TMEM132D: variants seen among roughly 807,000 people sequenced by gnomAD.
TMEM132D encodes transmembrane protein 132D, also known as mature OL transmembrane protein.
A neutral mutation model predicts 62.3 loss-of-function variants in TMEM132D; 21 were observed. The ratio of observed to expected loss-of-function variants is 0.34; its 90% CI spans 0.24 to 0.49. The LOEUF is 0.49. Ranked by LOEUF, TMEM132D falls within the 20% of genes least tolerant of loss-of-function variation. TMEM132D has a pLI of 0.99. For synonymous variants in TMEM132D, 621 were observed against 575.6 expected (o/e 1.08, Z -1.13); for missense variants, 1,346 against 1,402.8 (o/e 0.96, Z 0.65).
rs540755752 is a variant in TMEM132D, at chr12:129,115,747, T to A, written c.1444-31045A>T. Among the ~76,000 whole-genome samples the A allele has an allele frequency of 3.9e-5, 6 of 152,074 alleles. No homozygotes were observed. The East Asian group carries it at 5.8e-4, about 15-fold the overall frequency. ...AGTGGAAGCCAGGGCCTGTAAAGCA[T>A]ACGTCACAAACTCCAGGCAGAGGTG... On this transcript the variant is annotated intron_variant, in intron 5 of 8. Transcript: ENST00000422113.
chr12:129,153,096 T>C (rs1009033990), intron 5 of TMEM132D, among the ~76,000 whole-genome samples: 2 of 152,140 alleles, frequency 1.3e-5, no homozygotes, highest in African/African-American at 4.8e-5. Context: ...GGCTCCCCTC[T>C]TTGTCCTTCC....
At chr12:129,627,407 G>A (rs1033849133) in intron 2 of TMEM132D, among the ~76,000 whole-genome samples, 1 of 152,136 alleles carries the variant, frequency 6.6e-6, no homozygotes, top group Admixed American at 6.5e-5. Context: ...ATATAGAGTA[G>A]GTGTGTAGTA....
chr12:129,078,471 C>T (rs2135610695), intron 8 of TMEM132D, 63 bp downstream of exon 8: 6 of 1,541,208 alleles, frequency 3.9e-6, no homozygotes, highest in Non-Finnish European at 5.3e-6. Context: ...GTGGTGCCTG[C>T]CTGGTGTGTG....
In TMEM132D at chr12:129,726,674, G is replaced by T. The variant is rs149539432; in HGVS notation, c.80-25976C>A. ...TGCAGGACGGTAGACAGAGGGGTGA[G>T]GGTAAAGTGGGGAGCACAGTTAGGA... On this transcript the variant is annotated intron_variant, in intron 1 of 8. Coordinates refer to ENST00000422113, the MANE Select transcript of TMEM132D (RefSeq NM_133448.3). 3.9e-3 allele frequency among the ~76,000 whole-genome samples: 588 copies of T among 152,246 alleles called. 1 individual carries two copies. Among genetic ancestry groups the T allele is most frequent in the Non-Finnish European group, 6.1e-3 (415 of 68,022 alleles).
chr12:129,589,262 C>T (rs1397028097), intron 2 of TMEM132D, among the ~76,000 whole-genome samples: 2 of 152,100 alleles, frequency 1.3e-5, no homozygotes, highest in Non-Finnish European at 2.9e-5. Context: ...TGAGGGGCTT[C>T]CCCTTTCAGT....
chr12:129,493,561 A>G lies in TMEM132D; in HGVS notation c.1115+37498T>C, dbSNP rs145370419. ...GGATAAATAAACAAATGCTGTAAATAAATATGCATTATAATAATACAGCTA... is the reference window on the plus strand; with the variant it reads ...GGATAAATAAACAAATGCTGTAAATGAATATGCATTATAATAATACAGCTA... On this transcript the variant is annotated intron_variant, in intron 3 of 8. Transcript: ENST00000422113. 9.4e-3 allele frequency among the ~76,000 whole-genome samples: 1,425 copies of G among 152,370 alleles called. 27 individuals are homozygous for G. The highest frequency in any genetic ancestry group is 0.032 in the African/African-American group (1,343 of 41,586).
chr12:129,761,524 G>A (rs778402324), intron 1 of TMEM132D, among the ~76,000 whole-genome samples: 21 of 152,168 alleles, frequency 1.4e-4, no homozygotes, highest in African/African-American at 2.2e-4. Context: ...CGTGAACAAG[G>A]CACTGCTGTG....
intron 1 of TMEM132D, among the ~76,000 whole-genome samples, chr12:129,768,229 A>G (rs944521937): frequency 4.6e-5 from 7 of 152,164 alleles, no homozygotes; most frequent in African/African-American, 1.7e-4. Context: ...TTTTGTATAT[A>G]TAGCTAGAAG....
intron 1 of TMEM132D, among the ~76,000 whole-genome samples, chr12:129,876,614 C>A (rs1301423389): frequency 6.6e-6 from 1 of 152,174 alleles, no homozygotes; most frequent in Admixed American, 6.5e-5. Flanking sequence ...GTTATGGCTT[C>A]AGGTATGGCT....
intron 3 of TMEM132D, among the ~76,000 whole-genome samples, chr12:129,516,109 G>A (rs1392185233): frequency 6.6e-6 from 1 of 152,144 alleles, no homozygotes; most frequent in Non-Finnish European, 1.5e-5. Flanking sequence ...CATTCCATGT[G>A]TGTGGACATC....
chr12:129,429,028 A>G (rs543054935), intron 3 of TMEM132D, among the ~76,000 whole-genome samples: 7 of 152,276 alleles, frequency 4.6e-5, no homozygotes, highest in African/African-American at 1.7e-4. Context: ...CCTTCAAGTT[A>G]CTCACTGTAG....
At chr12:129,385,477 G>A (rs1871084931) in intron 3 of TMEM132D, among the ~76,000 whole-genome samples, 1 of 152,024 alleles carries the variant, frequency 6.6e-6, no homozygotes, top group Non-Finnish European at 1.5e-5. Flanking sequence ...TTTACATCTT[G>A]GTTATTCCCA....
intron 4 of TMEM132D, among the ~76,000 whole-genome samples, chr12:129,317,444 T>C (rs1256967792): frequency 6.6e-6 from 1 of 152,204 alleles, no homozygotes; most frequent in Non-Finnish European, 1.5e-5. Context: ...GATAATTATT[T>C]TGTTTGAGGA....
At chr12:129,706,429 T>C (rs1290687255) in intron 1 of TMEM132D, among the ~76,000 whole-genome samples, 1 of 151,914 alleles carries the variant, frequency 6.6e-6, no homozygotes, top group Admixed American at 6.5e-5. Context: ...AAGACACAAT[T>C]CACAATGCAT....
rs1381490276 is a variant in TMEM132D at position 129,072,725 on chromosome 12, T to C, written c.*1150A>G. 1 of 152,202 alleles carries C rather than the reference T, an allele frequency of 6.6e-6. No individual in the cohort carries two copies. Among genetic ancestry groups the C allele is most frequent in the Non-Finnish European group, 1.5e-5 (1 of 68,112 alleles). The allele number at this position is 152,202 out of a possible 1,614,324, so 9.4% of individuals were successfully genotyped here. On this transcript the variant is annotated 3_prime_UTR_variant, in exon 9 of 9. Coordinates refer to ENST00000422113, the MANE Select transcript of TMEM132D (RefSeq NM_133448.3). Reference sequence around the variant, plus strand: ...CGTTCCACACAGGCACCCCGATTTGTCTCAACAGCCTCGAGGCCACATCTT... The same window carrying C: ...CGTTCCACACAGGCACCCCGATTTGCCTCAACAGCCTCGAGGCCACATCTT...
At position 129,436,730 on chromosome 12, in the gene TMEM132D, C is replaced by T. The variant is rs754494771; in HGVS notation, c.1115+94329G>A. ...AGTTTTAAAATATTTTAACACGTCA[C>T]TTATAGAAAACCAAGTGTGTGCGTT... On this transcript the variant is annotated intron_variant, in intron 3 of 8. Transcript: ENST00000422113. 7.2e-5 allele frequency among the ~76,000 whole-genome samples: 11 copies of T among 152,278 alleles called. No homozygotes were observed. The East Asian group carries it at 2.1e-3, about 29-fold the overall frequency.
chr12:129,799,872 G>A (rs78400707), intron 1 of TMEM132D, among the ~76,000 whole-genome samples: 11,294 of 152,124 alleles, frequency 0.074, 1,024 homozygotes, highest in African/African-American at 0.21. Flanking sequence ...TCTGCAGCCT[G>A]GGGGCACAGG....
rs751351350 is a variant in TMEM132D, at chr12:129,700,617, T to C, written c.161A>G (p.Asn54Ser). 5 of 1,614,048 alleles carry C rather than the reference T, an allele frequency of 3.1e-6. No homozygotes were observed. In the East Asian group the frequency reaches 6.7e-5, roughly 22 times the overall value. ...CAGGAAGAAGGAGACGTCCGCGTTG[T>C]TGATGTGGTAGGTCACGGGGAGGTA... ...PTYLPVTYHI[N>S]NADVSFFLKE... is the part of the protein sequence containing the mutation. Residue 54 changes from asparagine (N) to serine (S), a missense_variant, in exon 2 of 9, where the codon AAC becomes AGC. Coordinates refer to ENST00000422113, the MANE Select transcript of TMEM132D (RefSeq NM_133448.3).
At chr12:129,659,067 A>T (rs1179759498) in intron 2 of TMEM132D, among the ~76,000 whole-genome samples, 2 of 150,114 alleles carry the variant, frequency 1.3e-5, no homozygotes, top group African/African-American at 4.9e-5. Flanking sequence ...TACATGGCTA[A>T]TTTTTTTTTT....
Sources: allele counts gnomAD v4.1 joint callset (sites outside exome capture counted in the v4.1 genomes callset), GRCh38; gene constraint gnomAD v4.1.1; transcripts MANE v1.5; gene names NCBI Gene and HGNC (gene_info 2026-07-23, HGNC 2026-07-21).